LYPLAL1: variants seen among roughly 807,000 people sequenced by gnomAD.
The protein encoded by LYPLAL1 is lysophospholipase-like protein 1.
A neutral mutation model predicts 19.7 loss-of-function variants in LYPLAL1; 23 were observed. That is an observed-to-expected ratio of 1.17 (90% CI 0.84 to 1.65). The LOEUF is 1.65. LYPLAL1 is among the 40% of genes most tolerant of loss of function. The pLI, the probability that LYPLAL1 is intolerant of heterozygous loss-of-function variation, is 0.00. For synonymous variants in LYPLAL1, 119 were observed against 96.3 expected (o/e 1.24, Z -1.38); for missense variants, 355 against 279.4 (o/e 1.27, Z -1.93).
intron 3 of LYPLAL1, among the ~76,000 whole-genome samples, chr1:219,195,213 T>A (rs1657508722): frequency 6.6e-6 from 1 of 152,112 alleles, no homozygotes; most frequent in Admixed American, 6.6e-5. Flanking sequence ...ATCCTTTATT[T>A]TGTAGGTATA....
the LYPLAL1 span, among the ~76,000 whole-genome samples, chr1:219,381,159 C>T: frequency 6.6e-6 from 1 of 152,104 alleles, no homozygotes; most frequent in East Asian, 1.9e-4. Flanking sequence ...GGTGGGTTTT[C>T]GCATGCTGTT....
chr1:219,175,644 T>C (rs1214155257), intron 1 of LYPLAL1, among the ~76,000 whole-genome samples: 1 of 152,240 alleles, frequency 6.6e-6, no homozygotes, highest in Non-Finnish European at 1.5e-5. Context: ...CAAGAATTTA[T>C]TCAAAGAATT....
At position 219,197,724 on chromosome 1, in the gene LYPLAL1, T is replaced by G. The variant is rs181750030; in HGVS notation, c.361+4473T>G. Among the ~76,000 whole-genome samples, 14 of 152,166 alleles carry G rather than the reference T, an allele frequency of 9.2e-5. No individual in the cohort carries two copies. The East Asian group carries it at 2.3e-3, about 25-fold the overall frequency. On this transcript the variant is annotated intron_variant, in intron 3 of 4. Coordinates refer to ENST00000366928, the MANE Select transcript of LYPLAL1 (RefSeq NM_138794.5). ...AATGGGAGAAAATTTTTGCGATCTA[T>G]CCATCTGACCAAGGTCTAATATCCA...
chr1:219,261,904 C>A, the LYPLAL1 span, among the ~76,000 whole-genome samples: 1 of 152,266 alleles, frequency 6.6e-6, no homozygotes, highest in East Asian at 1.9e-4. Context: ...TTTGGCAAGG[C>A]CGGGGAATGT....
At chr1:219,241,118 CTCTCTCTCTCTCTCTCTATATATATA>C in the LYPLAL1 span, among the ~76,000 whole-genome samples, 2 of 94,104 alleles carry the variant, frequency 2.1e-5, no homozygotes, top group African/African-American at 7.2e-5. Context: ...CTCTCTCTCT[CTCTCTCTCTCTCTCTCTATATATATA>C]TATATATATA....
chr1:219,233,425 A>G, the LYPLAL1 span, among the ~76,000 whole-genome samples: 1 of 152,224 alleles, frequency 6.6e-6, no homozygotes, highest in Non-Finnish European at 1.5e-5. Context: ...TTTGCACAAT[A>G]GTATTAATAT....
At chr1:219,221,925 C>T in the LYPLAL1 span, among the ~76,000 whole-genome samples, 11 of 152,144 alleles carry the variant, frequency 7.2e-5, no homozygotes, top group Admixed American at 5.9e-4. Context: ...TCAACACTCA[C>T]GTTATGGTGA....
At chr1:219,251,562 A>C in the LYPLAL1 span, among the ~76,000 whole-genome samples, 1 of 151,644 alleles carries the variant, frequency 6.6e-6, no homozygotes, top group Admixed American at 6.6e-5. Flanking sequence ...TTTTTTTGTC[A>C]GCTTTGTCAA....
chr1:219,380,410 G>C, the LYPLAL1 span, among the ~76,000 whole-genome samples: 2 of 152,306 alleles, frequency 1.3e-5, no homozygotes, highest in South Asian at 4.2e-4. Context: ...AAACAAACAT[G>C]CTCATTGGAA....
chr1:219,305,052 G>A, the LYPLAL1 span, among the ~76,000 whole-genome samples: 1 of 152,238 alleles, frequency 6.6e-6, no homozygotes, highest in South Asian at 2.1e-4. Context: ...TCACTGGTTC[G>A]GCATATCCCT....
chr1:219,197,654 G>A (rs1338196068), intron 3 of LYPLAL1, among the ~76,000 whole-genome samples: 1 of 152,130 alleles, frequency 6.6e-6, no homozygotes, highest in Non-Finnish European at 1.5e-5. Flanking sequence ...AAGCACTTCT[G>A]CACAGCAAAA....
chr1:219,434,882 T>A, the LYPLAL1 span, among the ~76,000 whole-genome samples: 1 of 148,672 alleles, frequency 6.7e-6, no homozygotes, highest in East Asian at 1.9e-4. Context: ...AATGTGATGC[T>A]GTACTGGAAA....
At chr1:219,241,126 CTCTCTCTCTATATA>C in the LYPLAL1 span, among the ~76,000 whole-genome samples, 11 of 89,372 alleles carry the variant, frequency 1.2e-4, no homozygotes, top group Middle Eastern at 5.3e-3. Context: ...CTCTCTCTCT[CTCTCTCTCTATATA>C]TATATATATA....
At chr1:219,435,563 C>T in the LYPLAL1 span, 1 of 152,248 alleles carries the variant, frequency 6.6e-6, no homozygotes, top group East Asian at 1.9e-4. Flanking sequence ...TGGCTCATGC[C>T]TGTAATCAAT....
the LYPLAL1 span, among the ~76,000 whole-genome samples, chr1:219,335,735 T>C: frequency 6.6e-6 from 1 of 151,802 alleles, no homozygotes; most frequent in African/African-American, 2.4e-5. Context: ...AAATATCCAC[T>C]GAACACTTTA....
At chr1:219,397,648 T>A in the LYPLAL1 span, among the ~76,000 whole-genome samples, 1 of 152,220 alleles carries the variant, frequency 6.6e-6, no homozygotes, top group Non-Finnish European at 1.5e-5. Flanking sequence ...CTTTATGGTG[T>A]CACTGGTTCA....
the LYPLAL1 span, among the ~76,000 whole-genome samples, chr1:219,313,183 T>G: frequency 5.9e-5 from 9 of 152,286 alleles, no homozygotes; most frequent in African/African-American, 1.9e-4. Flanking sequence ...GAACAAGTCA[T>G]AAGTGAAAGA....
chr1:219,397,110 G>A, the LYPLAL1 span, among the ~76,000 whole-genome samples: 1 of 152,194 alleles, frequency 6.6e-6, no homozygotes, highest in Non-Finnish European at 1.5e-5. Context: ...TTTATTGAGA[G>A]TTTTTAACAT....
chr1:219,368,726 C>G, the LYPLAL1 span, among the ~76,000 whole-genome samples: 1 of 152,162 alleles, frequency 6.6e-6, no homozygotes. Flanking sequence ...ACTATCTACA[C>G]CATTAAAGTA....
Sources: allele counts gnomAD v4.1 joint callset (sites outside exome capture counted in the v4.1 genomes callset), GRCh38; gene constraint gnomAD v4.1.1; transcripts MANE v1.5; gene names NCBI Gene and HGNC (gene_info 2026-07-23, HGNC 2026-07-21).